ZSCAN32: variants seen among roughly 807,000 people sequenced by gnomAD.
ZSCAN32 encodes zinc finger and SCAN domain-containing protein 32.
A neutral mutation model predicts 47.4 loss-of-function variants in ZSCAN32; 52 were observed. The ratio of observed to expected loss-of-function variants is 1.10; its 90% CI spans 0.88 to 1.38. The LOEUF (loss-of-function observed/expected upper bound fraction) is 1.38, where lower values mean the gene tolerates loss of function less well. Among genes scored for constraint, ZSCAN32 ranks in the 40% most tolerant of loss-of-function variants. The pLI, the probability that ZSCAN32 is intolerant of heterozygous loss-of-function variation, is 0.00. For synonymous variants in ZSCAN32, 346 were observed against 305.7 expected (o/e 1.13, Z -1.38); for missense variants, 959 against 846.0 (o/e 1.13, Z -1.66).
At position 3,390,427 on chromosome 16, in the gene ZSCAN32, G is replaced by T; in HGVS notation, c.623C>A (p.Ser208Tyr). ...AAGGCATCAACCACAGCTCACCTGG[G>T]ACCCAGCTGTCCAGACCACAGCACC... ...ETGAVVWTAG[S>Y]QGPAMRDNRA... Residue 208 changes from serine (S) to tyrosine (Y), a missense_variant, in exon 4 of 7, where the codon TCC becomes TAC. By Grantham distance (144) the Ser-to-Tyr change is moderately radical. Transcript: ENST00000396852. 2 of 1,549,476 alleles carry T rather than the reference G, an allele frequency of 1.3e-6. No individual in the cohort carries two copies. Among genetic ancestry groups the T allele is most frequent in the South Asian group, 2.4e-5 (2 of 83,948 alleles).
At position 3,383,205 on chromosome 16, in the gene ZSCAN32, GC is replaced by G; in HGVS notation, c.1740del (p.Gln581AsnfsTer104). 3 of 1,614,090 alleles carry G rather than the reference GC, an allele frequency of 1.9e-6. No homozygotes were observed. The highest frequency in any genetic ancestry group is 1.7e-6 in the Non-Finnish European group (2 of 1,180,010). ...THTGERPYQC[G>X]QCGKSFNQSS... is the part of the protein sequence containing the mutation. ...CTCTGGTTGAAGCTTTTCCCACATT[GC>G]CCACACTGATAGGGCCTCTCCCCTG... is the stretch of plus-strand genomic sequence containing the variant. On this transcript the variant is annotated frameshift_variant, in exon 7 of 7. Transcript: ENST00000396852. LOFTEE classifies it low-confidence loss of function (END_TRUNC).
Position 3,384,831 on chromosome 16 carries a change from T to C in ZSCAN32, c.862A>G (p.Arg288Gly), listed in dbSNP as rs775860155. The C allele has an allele frequency of 3.1e-6, 5 of 1,614,176 alleles. No homozygotes were observed. Among genetic ancestry groups the C allele is most frequent in the Non-Finnish European group, 4.2e-6 (5 of 1,180,016 alleles). Residue 288 changes from arginine (R) to glycine (G), a missense_variant, in exon 6 of 7, where the codon AGG becomes GGG. Transcript: ENST00000396852. ...TCCCAGAGTCCTTCCGCCATGGCCC[T>C]GTAGATCTGGCTGTTCTGCTGACAG... ...QTCQQNSQIYRAMAEGLWEQG... is the reference protein window; with the variant it reads ...QTCQQNSQIYGAMAEGLWEQG...
At chr16:3,391,932 T>TA (rs1392269034) in intron 3 of ZSCAN32, among the ~76,000 whole-genome samples, 1 of 151,998 alleles carries the variant, frequency 6.6e-6, no homozygotes, top group Non-Finnish European at 1.5e-5. Flanking sequence ...CCCTGTCTCT[T>TA]AAAAAAACTT....
At chr16:3,399,005 G>T (rs917116202) in intron 1 of ZSCAN32, among the ~76,000 whole-genome samples, 39 of 152,098 alleles carry the variant, frequency 2.6e-4, no homozygotes, top group African/African-American at 8.9e-4. Flanking sequence ...GGCGGATCAC[G>T]TGGTCAGGAG....
Position 3,383,171 on chromosome 16 carries a change from A to G in ZSCAN32, c.1775T>C (p.Leu592Pro). The change falls in exon 7 of 7, where the codon CTC becomes CCC. Residue 592 changes from leucine (L) to proline (P), a missense_variant. Physicochemically the swap from Leu to Pro is moderately conservative, Grantham distance 98. Transcript: ENST00000396852. ...GGTATGGGTCCTCTGGTGGACAATG[A>G]GGCTGGAACTCTGGTTGAAGCTTTT... ...CGKSFNQSSS[L>P]IVHQRTHTGE... is the part of the protein sequence containing the mutation. 6.2e-7 allele frequency: 1 copy of G among 1,614,122 alleles called. No homozygotes were observed. Among genetic ancestry groups the G allele is most frequent in the Non-Finnish European group, 8.5e-7 (1 of 1,180,018 alleles).
At chr16:3,396,889 C>T (rs142359557) in intron 2 of ZSCAN32, among the ~76,000 whole-genome samples, 1 of 152,204 alleles carries the variant, frequency 6.6e-6, no homozygotes. Context: ...AGTTTTCCTC[C>T]ATCCCCTGAG....
At chr16:3,384,379 G>T (rs2031669993) in intron 6 of ZSCAN32, 80 bp downstream of exon 6, 1 of 1,559,504 alleles carries the variant, frequency 6.4e-7, no homozygotes, top group Non-Finnish European at 8.7e-7. Flanking sequence ...ATCAGTGACA[G>T]CTCCTACTCA....
rs1236229195 is a variant in ZSCAN32, at chr16:3,384,461, A to G, written c.1232T>C (p.Leu411Pro). 3 of 1,614,140 alleles carry G rather than the reference A, an allele frequency of 1.9e-6. No homozygotes were observed. Among genetic ancestry groups the G allele is most frequent in the African/African-American group, 2.7e-5 (2 of 75,034 alleles). The part of the protein sequence containing the change: ...LDLPVLFPNR[L>P]GFEFKNEIKK... The stretch of plus-strand genomic sequence containing the variant: ...CATCAGAGCCAAGGGAGTCTTACCA[A>G]GTCTGTTTGGGAACAGCACTGGCAG... The change falls in exon 6 of 7, where the codon CTT (leucine) becomes CCT (proline). Residue 411 changes from leucine (L) to proline (P), a missense_variant and splice_region_variant. Coordinates refer to ENST00000396852, the MANE Select transcript of ZSCAN32 (RefSeq NM_001284527.2).
At chr16:3,394,438 C>A (rs1361428054) in intron 2 of ZSCAN32, among the ~76,000 whole-genome samples, 1 of 152,070 alleles carries the variant, frequency 6.6e-6, no homozygotes, top group Non-Finnish European at 1.5e-5. Flanking sequence ...TTTCCTCTGC[C>A]CCCCAAATCC....
intron 6 of ZSCAN32, chr16:3,384,181 G>A (rs958400081): frequency 2.6e-5 from 15 of 573,692 alleles, no homozygotes; most frequent in Non-Finnish European, 4.6e-5. Context: ...AGATGGACCT[G>A]GTCTGGAGGC....
chr16:3,396,660 A>G (rs1291476168), intron 2 of ZSCAN32, among the ~76,000 whole-genome samples: 2 of 152,136 alleles, frequency 1.3e-5, no homozygotes, highest in African/African-American at 4.8e-5. Context: ...CTCCAAGAAA[A>G]TATAAGCTGG....
At position 3,384,771 on chromosome 16, in the gene ZSCAN32, T is replaced by C; in HGVS notation, c.922A>G (p.Thr308Ala). The change falls in exon 6 of 7, where the codon ACC (threonine) becomes GCC (alanine). Residue 308 changes from threonine (T) to alanine (A), a missense_variant. Coordinates refer to ENST00000396852, the MANE Select transcript of ZSCAN32 (RefSeq NM_001284527.2). ...CTCAACTGTAGGCTTTTGAACTTGGTGCGACACTGTTCTGGGGTCCGCAGA... is the reference window on the plus strand; with the variant it reads ...CTCAACTGTAGGCTTTTGAACTTGGCGCGACACTGTTCTGGGGTCCGCAGA... ...GFLRTPEQCR[T>A]KFKSLQLSYR... The C allele has an allele frequency of 6.2e-7, 1 of 1,614,220 alleles. No homozygotes were observed. Among genetic ancestry groups the C allele is most frequent in the East Asian group, 2.2e-5 (1 of 44,884 alleles).
Position 3,397,259 on chromosome 16 carries a change from T to C in ZSCAN32, c.299A>G (p.Gln100Arg). ...PEEIQTWVRE[Q>R]HPENGEEAVA... ...AGCTTCCTCGCCGTTTTCTGGATGC[T>C]GCTCCCTCACCCAGGTCTGGATCTC... The change falls in exon 2 of 7, where the codon CAG (glutamine) becomes CGG (arginine). Residue 100 changes from glutamine to arginine, a missense_variant. Transcript: ENST00000396852. 1 of 1,567,140 alleles carries C rather than the reference T, an allele frequency of 6.4e-7. No homozygotes were observed. The highest frequency in any genetic ancestry group is 8.7e-7 in the Non-Finnish European group (1 of 1,156,048).
intron 4 of ZSCAN32, 82 bp downstream of exon 4, chr16:3,390,341 C>A: frequency 7.1e-7 from 1 of 1,409,886 alleles, no homozygotes. Flanking sequence ...CACACAGAAT[C>A]TTTCTCATGT....
chr16:3,398,994 G>A lies in ZSCAN32; in HGVS notation c.-187-1250C>T, dbSNP rs546111743. Among the ~76,000 whole-genome samples, 4 of 152,274 alleles carry A rather than the reference G, an allele frequency of 2.6e-5. No individual in the cohort carries two copies. In the East Asian group the frequency reaches 7.7e-4, roughly 29 times the overall value. On this transcript the variant is annotated intron_variant, in intron 1 of 6. Transcript: ENST00000396852. Reference sequence around the variant, plus strand: ...TCCCAGCACTTTGAGAGGCCAAGGCGGGCGGATCACGTGGTCAGGAGATCT... The same window carrying A: ...TCCCAGCACTTTGAGAGGCCAAGGCAGGCGGATCACGTGGTCAGGAGATCT...
intron 3 of ZSCAN32, among the ~76,000 whole-genome samples, chr16:3,391,986 C>A (rs1470217919): frequency 6.6e-6 from 1 of 152,126 alleles, no homozygotes; most frequent in African/African-American, 2.4e-5. Context: ...ACAGAAAAGG[C>A]AGCAAGTATC....
intron 5 of ZSCAN32, among the ~76,000 whole-genome samples, chr16:3,386,540 C>T (rs2032014390): frequency 6.6e-6 from 1 of 152,126 alleles, no homozygotes; most frequent in African/African-American, 2.4e-5. Context: ...TGGAACCAAG[C>T]CAAATGTCCA....
chr16:3,391,973 TAAAC>T (rs1169821310), intron 3 of ZSCAN32, among the ~76,000 whole-genome samples: 1 of 152,132 alleles, frequency 6.6e-6, no homozygotes, highest in African/African-American at 2.4e-5. Context: ...AGCTTCCAAT[TAAAC>T]AGAAAAGGCA....
At chr16:3,396,935 G>A (rs1596235192) in intron 2 of ZSCAN32, among the ~76,000 whole-genome samples, 2 of 152,074 alleles carry the variant, frequency 1.3e-5, no homozygotes, top group African/African-American at 2.4e-5. Flanking sequence ...CCTTGTTTTC[G>A]AGAATTTTTC....
Sources: allele counts gnomAD v4.1 joint callset (sites outside exome capture counted in the v4.1 genomes callset), GRCh38; gene constraint gnomAD v4.1.1; transcripts MANE v1.5; gene names NCBI Gene and HGNC (gene_info 2026-07-23, HGNC 2026-07-21).